The following TMEM184B variants were observed in gnomAD, a reference collection of about 807,000 sequenced individuals.
The protein encoded by TMEM184B is transmembrane protein 184B.
A neutral mutation model predicts 41.8 loss-of-function variants in TMEM184B; 17 were observed. That is an observed-to-expected ratio of 0.41 (90% CI 0.28 to 0.61). The LOEUF (loss-of-function observed/expected upper bound fraction) is 0.61, where lower values mean the gene tolerates loss of function less well. Ranked by LOEUF, TMEM184B falls within the 20% of genes least tolerant of loss-of-function variation. The probability of loss-of-function intolerance (pLI) is 0.34; values close to 1 mark genes in which losing one functional copy is unlikely to be tolerated. For missense variants in TMEM184B, 393 were observed against 557.8 expected (o/e 0.70, Z 2.98); for synonymous variants, 240 against 229.5 (o/e 1.05, Z -0.41).
chr22:38,234,815 G>T (rs1287249923), intron 3 of TMEM184B, among the ~76,000 whole-genome samples: 1 of 152,188 alleles, frequency 6.6e-6, no homozygotes, highest in East Asian at 1.9e-4. Context: ...GAGACAGCCT[G>T]CCTTGGTTGT....
intron 1 of TMEM184B, among the ~76,000 whole-genome samples, chr22:38,259,809 T>C (rs2092342131): frequency 1.3e-5 from 2 of 152,328 alleles, no homozygotes; most frequent in South Asian, 2.1e-4. Flanking sequence ...GGAGTCTCAC[T>C]CTGTGGCCCA....
chr22:38,264,639 C>T lies in TMEM184B; in HGVS notation c.-59+8245G>A, dbSNP rs146967992. On this transcript the variant is annotated intron_variant, in intron 1 of 8. Transcript: ENST00000361906. Reference sequence around the variant, plus strand: ...CAGCCATCACCACCTAAGCATCAAGCCAGGGAGTTGAGGAGATGGAGGCGG... The same window carrying T: ...CAGCCATCACCACCTAAGCATCAAGTCAGGGAGTTGAGGAGATGGAGGCGG... 2.6e-5 allele frequency among the ~76,000 whole-genome samples: 4 copies of T among 152,252 alleles called. No homozygotes were observed. The East Asian group carries it at 7.7e-4, about 29-fold the overall frequency.
intron 1 of TMEM184B, among the ~76,000 whole-genome samples, chr22:38,270,071 G>A (rs2092499900): frequency 6.6e-6 from 1 of 152,170 alleles, no homozygotes; most frequent in South Asian, 2.1e-4. Flanking sequence ...GGCCTCCAAA[G>A]GTCTTCAGGA....
chr22:38,225,288 C>A lies in TMEM184B; in HGVS notation c.787+136G>T. ...GGCCCTCGAGGGCTCAGATTTCACC[C>A]CCAGCAAGTGCCCAGTGGGCTGAGG... On this transcript the variant is annotated intron_variant, in intron 7 of 8. Transcript: ENST00000361906. The surrounding 1 kb of genome is among the most constrained non-coding windows in gnomAD (Gnocchi z 4.4). 2 of 1,192,108 alleles carry A rather than the reference C, an allele frequency of 1.7e-6. No individual in the cohort carries two copies. The highest frequency in any genetic ancestry group is 2.3e-6 in the Non-Finnish European group (2 of 866,592). 73.8% of individuals were successfully genotyped at this position (1,192,108 alleles called of 1,614,324 possible). A position where few individuals can be genotyped will look rare whatever the true frequency, so the allele number is the denominator to read the frequency against.
At chr22:38,252,697 G>A (rs576731922) in intron 1 of TMEM184B, among the ~76,000 whole-genome samples, 4 of 152,286 alleles carry the variant, frequency 2.6e-5, no homozygotes, top group Admixed American at 6.5e-5. Context: ...CCAGGCTTCT[G>A]CTGTGAGTCA....
chr22:38,246,641 C>G, intron 2 of TMEM184B: 1 of 369,432 alleles, frequency 2.7e-6, no homozygotes, highest in Non-Finnish European at 4.6e-6. Flanking sequence ...GCAGGGATGT[C>G]CTCAGGTTGT....
At chr22:38,255,447 C>CA (rs1471366962) in intron 1 of TMEM184B, among the ~76,000 whole-genome samples, 1 of 152,240 alleles carries the variant, frequency 6.6e-6, no homozygotes, top group Non-Finnish European at 1.5e-5. Context: ...GCTGGGATTA[C>CA]AGGCGTGAGC....
At chr22:38,255,893 G>C (rs1398924368) in intron 1 of TMEM184B, among the ~76,000 whole-genome samples, 2 of 152,210 alleles carry the variant, frequency 1.3e-5, no homozygotes, top group African/African-American at 2.4e-5. Flanking sequence ...GTGGGGGTGT[G>C]TAATTTTAAA....
chr22:38,251,498 C>T (rs2092161244), intron 1 of TMEM184B, among the ~76,000 whole-genome samples: 1 of 152,188 alleles, frequency 6.6e-6, no homozygotes, highest in East Asian at 1.9e-4. Flanking sequence ...TGCTTGAAGG[C>T]CCAGAGCTCG....
At position 38,253,207 on chromosome 22, in the gene TMEM184B, G is replaced by A. The variant is rs929516743; in HGVS notation, c.-58-5188C>T. Among the ~76,000 whole-genome samples the A allele has an allele frequency of 2.0e-5, 3 of 152,114 alleles. 1 individual carries two copies. The highest frequency in any genetic ancestry group is 4.4e-5 in the Non-Finnish European group (3 of 68,032). On this transcript the variant is annotated intron_variant, in intron 1 of 8. Transcript: ENST00000361906. ...CGCGGTGGCTCAGGCCGGTTGCCCT[G>A]GCACTCGGGGAGGTGAGGCTACACA...
At chr22:38,227,162 G>A (rs1379197437) in intron 5 of TMEM184B, among the ~76,000 whole-genome samples, 1 of 152,094 alleles carries the variant, frequency 6.6e-6, no homozygotes, top group Non-Finnish European at 1.5e-5. Context: ...GCGCAATGCC[G>A]TATGTGATAT....
At chr22:38,259,623 C>T (rs1360863645) in intron 1 of TMEM184B, among the ~76,000 whole-genome samples, 1 of 152,160 alleles carries the variant, frequency 6.6e-6, no homozygotes, top group East Asian at 1.9e-4. Flanking sequence ...GGAAATAATT[C>T]TCCCCCAGAG....
chr22:38,230,179 G>A (rs918195360), intron 5 of TMEM184B, among the ~76,000 whole-genome samples: 4 of 144,062 alleles, frequency 2.8e-5, no homozygotes, highest in South Asian at 2.3e-4. Flanking sequence ...AAGCTAGAGC[G>A]GCTGGACTGC....
chr22:38,264,179 G>A (rs570409517), intron 1 of TMEM184B, among the ~76,000 whole-genome samples: 17 of 152,322 alleles, frequency 1.1e-4, no homozygotes, highest in Admixed American at 8.5e-4. Flanking sequence ...GCTCTGGGTA[G>A]GGACACGGTG....
intron 3 of TMEM184B, among the ~76,000 whole-genome samples, chr22:38,245,478 G>T (rs181150576): frequency 6.8e-6 from 1 of 146,980 alleles, no homozygotes; most frequent in African/African-American, 2.6e-5. Context: ...CGAGACCCAG[G>T]GGGAGGGCCC....
At position 38,245,951 on chromosome 22, in the gene TMEM184B, G is replaced by A; in HGVS notation, c.342C>T (p.Val114=). The change falls in exon 3 of 9, where the codon GTC becomes GTT. Residue 114 remains valine, a synonymous_variant. Transcript: ENST00000361906. ...NDQYYVYFGT[V]RDCYEALVIY... ...CATCCTCACCCTCATAGCAGTCGCG[G>A]ACGGTGCCGAAGTACACGTAGTACT... 6.2e-7 allele frequency: 1 copy of A among 1,611,602 alleles called. No homozygotes were observed. Among genetic ancestry groups the A allele is most frequent in the South Asian group, 1.1e-5 (1 of 91,030 alleles).
At chr22:38,245,914 C>CCCCCCCA in intron 3 of TMEM184B, 21 bp downstream of exon 3, 1 of 1,592,488 alleles carries the variant, frequency 6.3e-7, no homozygotes, top group Non-Finnish European at 8.6e-7. Context: ...CCAGCCCTCC[C>CCCCCCCA]CACTCCGTCC....
intron 5 of TMEM184B, among the ~76,000 whole-genome samples, chr22:38,227,434 C>T (rs2091478271): frequency 6.6e-6 from 1 of 152,088 alleles, no homozygotes; most frequent in Non-Finnish European, 1.5e-5. Flanking sequence ...GTGCCCGGGG[C>T]AAGGCTAGGG....
Position 38,225,109 on chromosome 22 carries a change from G to C in TMEM184B, c.788-130C>G. Reference sequence around the variant, plus strand: ...GAGCAGGGCCACAGCTGCTCCTGCAGGGCAGGGGTAGCGACACAAGGCCAC... The same window carrying C: ...GAGCAGGGCCACAGCTGCTCCTGCACGGCAGGGGTAGCGACACAAGGCCAC... On this transcript the variant is annotated intron_variant, in intron 7 of 8. Coordinates refer to ENST00000361906, the MANE Select transcript of TMEM184B (RefSeq NM_012264.5). This position sits in a 1 kb window ranked among gnomAD's most constrained non-coding sequence, Gnocchi z 4.4. The C allele has an allele frequency of 8.9e-7, 1 of 1,124,470 alleles. No homozygotes were observed. Among genetic ancestry groups the C allele is most frequent in the Non-Finnish European group, 1.2e-6 (1 of 818,898 alleles). The allele number at this position is 1,124,470 out of a possible 1,614,324, so 69.7% of individuals were successfully genotyped here.
Sources: allele counts gnomAD v4.1 joint callset (sites outside exome capture counted in the v4.1 genomes callset), GRCh38; gene constraint gnomAD v4.1.1; non-coding constraint Gnocchi (gnomAD v3.1); transcripts MANE v1.5; gene names NCBI Gene and HGNC (gene_info 2026-07-23, HGNC 2026-07-21).